The following PCM1 variants were observed in gnomAD, a reference collection of about 807,000 sequenced individuals.
PCM1 encodes pericentriolar material 1.
A neutral mutation model predicts 241.9 loss-of-function variants in PCM1; 157 were observed. The ratio of observed to expected loss-of-function variants is 0.65; its 90% CI spans 0.57 to 0.74. PCM1 has a LOEUF of 0.74. Among genes scored for constraint, PCM1 ranks in the 30% least tolerant of loss-of-function variants. The pLI is 0.00. For synonymous variants in PCM1, 1,085 were observed against 784.9 expected (o/e 1.38, Z -6.39); for missense variants, 3,478 against 2,360.1 (o/e 1.47, Z -9.81).
chr8:17,942,996 CAAAA>C (rs5889754), intron 6 of PCM1, among the ~76,000 whole-genome samples: 13 of 123,156 alleles, frequency 1.1e-4, no homozygotes, highest in Non-Finnish European at 1.2e-4. Flanking sequence ...GACTCTGTCT[CAAAA>C]AAAAAAAAAA....
Position 17,937,312 on chromosome 8 carries a change from T to C in PCM1, c.275T>C (p.Met92Thr), listed in dbSNP as rs747719533. Reference protein sequence around the residue: ...TFPHSRYMSQMSVPEQAELEK... With the variant: ...TFPHSRYMSQTSVPEQAELEK... ...CCACACAGTAGATACATGAGTCAGA[T>C]GTCTGTCCCAGAGCAGGCAGAATTA... The change falls in exon 4 of 39, where the codon ATG becomes ACG. Residue 92 changes from methionine (M) to threonine (T), a missense_variant. Coordinates refer to ENST00000325083, the MANE Select transcript of PCM1 (RefSeq NM_006197.4). The C allele has an allele frequency of 1.2e-6, 2 of 1,609,428 alleles. No individual in the cohort carries two copies. Among genetic ancestry groups the C allele is most frequent in the Non-Finnish European group, 1.7e-6 (2 of 1,176,882 alleles).
intron 26 of PCM1, among the ~76,000 whole-genome samples, chr8:17,987,053 A>C (rs149052030): frequency 1.4e-3 from 215 of 151,828 alleles, no homozygotes; most frequent in African/African-American, 4.8e-3. Flanking sequence ...TCCCCAGCTC[A>C]TCTTTTCTGT....
chr8:17,990,244 A>C (rs1425028993), intron 27 of PCM1, among the ~76,000 whole-genome samples: 2 of 152,068 alleles, frequency 1.3e-5, no homozygotes, highest in East Asian at 3.8e-4. Context: ...ATATAATGTA[A>C]CTTACTTGCT....
chr8:17,959,032 T>C (rs1283314946), intron 13 of PCM1, among the ~76,000 whole-genome samples: 2 of 152,158 alleles, frequency 1.3e-5, no homozygotes, highest in Non-Finnish European at 2.9e-5. Context: ...ATAAACTCTG[T>C]CTTTACCTCC....
rs551312323 is a variant in PCM1 at position 17,986,777 on chromosome 8, G to A, written c.4410+690G>A. Among the ~76,000 whole-genome samples, 10 of 151,888 alleles carry A rather than the reference G, an allele frequency of 6.6e-5. No individual in the cohort carries two copies. In the South Asian group the frequency reaches 8.3e-4, roughly 13 times the overall value. ...TTATTGTAAAATATTTCATGTGGTC[G>A]TGGGATAGCAAATACATTCCTTTTT... is the stretch of plus-strand genomic sequence containing the variant. On this transcript the variant is annotated intron_variant, in intron 26 of 38. Transcript: ENST00000325083.
intron 36 of PCM1, among the ~76,000 whole-genome samples, chr8:18,017,610 T>C (rs938245161): frequency 2.6e-5 from 4 of 152,104 alleles, no homozygotes; most frequent in Admixed American, 6.5e-5. Context: ...TCCCAGCCCT[T>C]TGGGAGGCCA....
chr8:17,929,007 G>A (rs438873), intron 2 of PCM1, among the ~76,000 whole-genome samples: 119,352 of 151,996 alleles, frequency 0.79, 47,386 homozygotes, highest in African/African-American at 0.86. Context: ...CCTTATGACC[G>A]TCTGTGCTTG....
Position 18,029,147 on chromosome 8 carries a change from ACT to A in PCM1, c.*1488_*1489del, listed in dbSNP as rs2094394123. On this transcript the variant is annotated 3_prime_UTR_variant, in exon 39 of 39. Transcript: ENST00000325083. ...CACTCCAGCCTGGCAACAGAGCGAG[ACT>A]CTGTCTCAAAAAAAAAAAAAAAAAA... 1 of 135,502 alleles carries A rather than the reference ACT, an allele frequency of 7.4e-6. No homozygotes were observed. 8.4% of individuals were successfully genotyped at this position (135,502 alleles called of 1,614,324 possible). A position where few individuals can be genotyped will look rare whatever the true frequency, so the allele number is the denominator to read the frequency against.
At position 17,964,773 on chromosome 8, in the gene PCM1, GT is replaced by G. The variant is rs2074140111; in HGVS notation, c.2855+8del. 1 of 1,605,552 alleles carries G rather than the reference GT, an allele frequency of 6.2e-7. No individual in the cohort carries two copies. On this transcript the variant is annotated splice_donor_region_variant and intron_variant, in intron 18 of 38. Transcript: ENST00000325083. ...TGGAAAGGAAACTAAAAATAGGTTA[GT>G]TTCAGTATTTTAATTTTGTGCTTAA... is the stretch of plus-strand genomic sequence containing the variant.
intron 36 of PCM1, 171 bp from the exon 37 acceptor site, chr8:18,025,190 G>T (rs1346810243): frequency 3.0e-5 from 6 of 198,778 alleles, no homozygotes; most frequent in African/African-American, 6.4e-5. Flanking sequence ...ATGTTTCACA[G>T]CTGTGATTGT....
At chr8:17,982,192 A>C (rs987230975) in intron 24 of PCM1, among the ~76,000 whole-genome samples, 1 of 152,180 alleles carries the variant, frequency 6.6e-6, no homozygotes, top group East Asian at 1.9e-4. Flanking sequence ...TTTCTGCAAA[A>C]ATATCAATCC....
intron 2 of PCM1, chr8:17,927,541 G>T (rs1405924319): frequency 6.6e-6 from 1 of 152,008 alleles, no homozygotes; most frequent in Non-Finnish European, 1.5e-5. Context: ...TCTATAGTTA[G>T]AATCCTGCAA....
intron 23 of PCM1, 118 bp downstream of exon 23, chr8:17,972,805 G>A (rs560690773): frequency 2.2e-6 from 1 of 452,628 alleles, no homozygotes; most frequent in African/African-American, 2.0e-5. Context: ...TCTAGACTTA[G>A]TTGAACAGTC....
intron 2 of PCM1, among the ~76,000 whole-genome samples, chr8:17,928,640 T>C (rs1302139995): frequency 7.1e-6 from 1 of 141,700 alleles, no homozygotes; most frequent in Non-Finnish European, 1.5e-5. Context: ...TTTTTTTTTT[T>C]TTTTAAAGTG....
rs760781873 is a variant in PCM1 at position 17,955,436 on chromosome 8, TA to T, written c.1289-26del. On this transcript the variant is annotated intron_variant, in intron 9 of 38. Transcript: ENST00000325083. ...GTGTTTGTTTATGGTAACTGGTGAT[TA>T]AAAAAAATTTTTTGTTGTTGTGCCT... 453 of 1,501,432 alleles carry T rather than the reference TA, an allele frequency of 3.0e-4. 1 individual carries two copies. The highest frequency in any genetic ancestry group is 3.9e-4 in the Non-Finnish European group (436 of 1,122,764). 93.0% of individuals were successfully genotyped at this position (1,501,432 alleles called of 1,614,324 possible).
At position 17,950,732 on chromosome 8, in the gene PCM1, A is replaced by C. The variant is rs369626868; in HGVS notation, c.1071+8A>C. On this transcript the variant is annotated splice_region_variant and intron_variant, in intron 8 of 38. Coordinates refer to ENST00000325083, the MANE Select transcript of PCM1 (RefSeq NM_006197.4). Reference sequence around the variant, plus strand: ...CAGCTTCGTGATTCTCAGGTAACCTAGATGTTTTAGTATAGTTGAGTTTAA... The same window carrying C: ...CAGCTTCGTGATTCTCAGGTAACCTCGATGTTTTAGTATAGTTGAGTTTAA... 2.4e-5 allele frequency: 34 copies of C among 1,442,722 alleles called. No homozygotes were observed. Among genetic ancestry groups the C allele is most frequent in the Non-Finnish European group, 3.2e-5 (33 of 1,037,502 alleles). The allele number at this position is 1,442,722 out of a possible 1,614,324, so 89.4% of individuals were successfully genotyped here.
Position 18,006,317 on chromosome 8 carries a change from G to C in PCM1, c.4882G>C (p.Val1628Leu), listed in dbSNP as rs952532675. The change falls in exon 30 of 39, where the codon GTT becomes CTT. Residue 1628 changes from valine to leucine, a missense_variant. By Grantham distance (32) the Val-to-Leu change is conservative. Coordinates refer to ENST00000325083, the MANE Select transcript of PCM1 (RefSeq NM_006197.4). ...SQLLTSVRRM[V>L]LTLTQQNDES... ...GCTTCTAACTTCAGTAAGGCGCATGGTTTTGACCCTTACCCAGCAAAATGA... is the reference window on the plus strand; with the variant it reads ...GCTTCTAACTTCAGTAAGGCGCATGCTTTTGACCCTTACCCAGCAAAATGA... 1 of 1,612,706 alleles carries C rather than the reference G, an allele frequency of 6.2e-7. No homozygotes were observed. Among genetic ancestry groups the C allele is most frequent in the Non-Finnish European group, 8.5e-7 (1 of 1,178,950 alleles).
At position 17,955,548 on chromosome 8, in the gene PCM1, G is replaced by C; in HGVS notation, c.1367G>C (p.Gly456Ala). 6.2e-7 allele frequency: 1 copy of C among 1,613,684 alleles called. No homozygotes were observed. Among genetic ancestry groups the C allele is most frequent in the Non-Finnish European group, 8.5e-7 (1 of 1,179,666 alleles). The change falls in exon 10 of 39, where the codon GGA (glycine) becomes GCA (alanine). Residue 456 changes from glycine (G) to alanine (A), a missense_variant. Coordinates refer to ENST00000325083, the MANE Select transcript of PCM1 (RefSeq NM_006197.4). ...ASVGLAPVVN[G>A]ESNSLTSSVP... ...GTAGGCTTGGCACCGGTTGTCAATG[G>C]AGAATCCAATAGCCTCACATCATCT...
rs555460006 is a variant in PCM1 at position 18,027,973 on chromosome 8, G to GTATC, written c.*313_*316dup. ...AATAAAGTTTGGACTTATCTATAAA[G>GTATC]TATCTTTTTTGGAAATTATATTGAA... On this transcript the variant is annotated 3_prime_UTR_variant, in exon 39 of 39. Transcript: ENST00000325083. 8.2e-4 allele frequency: 236 copies of GTATC among 288,096 alleles called. 1 individual carries two copies. The highest frequency in any genetic ancestry group is 4.6e-3 in the African/African-American group (215 of 46,486). The allele number at this position is 288,096 out of a possible 1,614,324, so 17.8% of individuals were successfully genotyped here.
Sources: allele counts gnomAD v4.1 joint callset (sites outside exome capture counted in the v4.1 genomes callset), GRCh38; gene constraint gnomAD v4.1.1; transcripts MANE v1.5; gene names NCBI Gene and HGNC (gene_info 2026-07-23, HGNC 2026-07-21).